CEP83: variants seen among roughly 807,000 people sequenced by gnomAD.
The protein encoded by CEP83 is centrosomal protein 83, also known as centrosomal protein of 83 kDa.
In CEP83, 70 loss-of-function variants were observed where a neutral mutation model predicts 101.9. That is an observed-to-expected ratio of 0.69 (90% CI 0.57 to 0.84). The LOEUF is 0.84. Among genes scored for constraint, CEP83 ranks in the 40% least tolerant of loss-of-function variants. The pLI, the probability that CEP83 is intolerant of heterozygous loss-of-function variation, is 0.00. For synonymous variants in CEP83, 264 were observed against 267.9 expected, an observed-to-expected ratio of 0.99 and a Z score of 0.14; for missense variants, 715 against 787.2, an observed-to-expected ratio of 0.91 and a Z score of 1.10.
chr12:94,331,289 G>GAAAAAAAA (rs568464808), intron 14 of CEP83, among the ~76,000 whole-genome samples: 2 of 43,804 alleles, frequency 4.6e-5, no homozygotes, highest in African/African-American at 2.6e-4. Flanking sequence ...CAGACTCTCA[G>GAAAAAAAA]AAAAAAAAAA....
At chr12:94,359,647 C>T (rs2060647871) in intron 11 of CEP83, among the ~76,000 whole-genome samples, 1 of 152,066 alleles carries the variant, frequency 6.6e-6, no homozygotes, top group Non-Finnish European at 1.5e-5. Context: ...AATAAAAAGT[C>T]TCCCAAGAAA....
intron 11 of CEP83, among the ~76,000 whole-genome samples, chr12:94,358,839 T>C (rs1372905009): frequency 6.6e-6 from 1 of 152,202 alleles, no homozygotes; most frequent in East Asian, 1.9e-4. Flanking sequence ...CCCCCCAAAG[T>C]CTGGCCATAA....
the CEP83 span, chr12:94,282,221 A>G: frequency 1.1e-6 from 1 of 917,578 alleles, no homozygotes; most frequent in Non-Finnish European, 1.8e-6. Flanking sequence ...TTCAAGTTTT[A>G]GTTATCCATA....
At chr12:94,445,634 T>C (rs1348088835) in intron 1 of CEP83, among the ~76,000 whole-genome samples, 1 of 152,158 alleles carries the variant, frequency 6.6e-6, no homozygotes, top group Non-Finnish European at 1.5e-5. Flanking sequence ...CAAAACTAAA[T>C]GATAGGAAAA....
chr12:94,429,456 G>T (rs553108301), intron 2 of CEP83, among the ~76,000 whole-genome samples: 2 of 152,216 alleles, frequency 1.3e-5, no homozygotes, highest in African/African-American at 2.4e-5. Context: ...TGCAGCTATA[G>T]TAAGACACCA....
At chr12:94,437,555 G>A (rs2066086716) in intron 1 of CEP83, among the ~76,000 whole-genome samples, 1 of 152,202 alleles carries the variant, frequency 6.6e-6, no homozygotes, top group African/African-American at 2.4e-5. Context: ...AACCCTACAA[G>A]CTAGAAGGAA....
At chr12:94,269,004 A>G in the CEP83 span, among the ~76,000 whole-genome samples, 1 of 152,174 alleles carries the variant, frequency 6.6e-6, no homozygotes, top group East Asian at 1.9e-4. Flanking sequence ...CGTTTTGTCA[A>G]GAGTGGAACT....
chr12:94,372,749 G>A (rs2061360914), intron 8 of CEP83, among the ~76,000 whole-genome samples: 1 of 152,204 alleles, frequency 6.6e-6, no homozygotes, highest in Admixed American at 6.5e-5. Flanking sequence ...AGGAAGTCAA[G>A]CAACAAGTGA....
At chr12:94,313,426 T>G (rs1185360959) in intron 14 of CEP83, among the ~76,000 whole-genome samples, 1 of 151,588 alleles carries the variant, frequency 6.6e-6, no homozygotes, top group South Asian at 2.1e-4. Context: ...TCCCAGTGCT[T>G]TGGGAGGCTG....
the CEP83 span, chr12:94,297,365 G>C: frequency 6.2e-7 from 1 of 1,613,854 alleles, no homozygotes; most frequent in Non-Finnish European, 8.5e-7. Context: ...AAGAGACATC[G>C]AGGGAAGCAC....
chr12:94,276,195 G>A, the CEP83 span, among the ~76,000 whole-genome samples: 1 of 152,204 alleles, frequency 6.6e-6, no homozygotes, highest in African/African-American at 2.4e-5. Context: ...TAAACAAGCT[G>A]AGATTGCTGA....
At chr12:94,373,572 G>A (rs2061396365) in intron 8 of CEP83, among the ~76,000 whole-genome samples, 1 of 152,040 alleles carries the variant, frequency 6.6e-6, no homozygotes, top group South Asian at 2.1e-4. Flanking sequence ...AACTCTGTTG[G>A]GTGGCTTTCT....
intron 9 of CEP83, 178 bp from the exon 10 acceptor site, chr12:94,368,379 G>T: frequency 3.6e-6 from 2 of 551,928 alleles, no homozygotes; most frequent in Admixed American, 3.6e-5. Flanking sequence ...GAATGAAACA[G>T]GCTAAAACTC....
chr12:94,305,570 T>C (rs1264223143), downstream of CEP83: 1 of 336,542 alleles, frequency 3.0e-6, no homozygotes, highest in African/African-American at 2.1e-5. Context: ...AATGTCAGTA[T>C]TGTAACTACA....
At chr12:94,354,390 T>C (rs1377421153) in intron 11 of CEP83, among the ~76,000 whole-genome samples, 1 of 152,108 alleles carries the variant, frequency 6.6e-6, no homozygotes, top group East Asian at 1.9e-4. Flanking sequence ...TTCACCATTT[T>C]GGCCAGGCTG....
At chr12:94,404,658 CTTA>C (rs1365836169) in intron 4 of CEP83, among the ~76,000 whole-genome samples, 1 of 151,976 alleles carries the variant, frequency 6.6e-6, no homozygotes, top group Admixed American at 6.6e-5. Flanking sequence ...GGTTTAGACT[CTTA>C]TTATTTATTC....
intron 1 of CEP83, among the ~76,000 whole-genome samples, chr12:94,458,963 AC>A (rs1383540665): frequency 6.6e-6 from 1 of 152,190 alleles, no homozygotes; most frequent in Non-Finnish European, 1.5e-5. Context: ...TGCTTTAACA[AC>A]CCACTCTGTT....
At chr12:94,415,955 A>T (rs1033111987) in intron 2 of CEP83, among the ~76,000 whole-genome samples, 2 of 152,046 alleles carry the variant, frequency 1.3e-5, no homozygotes, top group Non-Finnish European at 2.9e-5. Flanking sequence ...CCAGGTATTT[A>T]AAAAAAATTT....
At chr12:94,454,641 C>T (rs2067513976) in intron 1 of CEP83, among the ~76,000 whole-genome samples, 1 of 152,228 alleles carries the variant, frequency 6.6e-6, no homozygotes, top group South Asian at 2.1e-4. Flanking sequence ...GCCGTGGAAG[C>T]TCTGTTCTTT....
Sources: gnomAD v4.1 joint callset for allele counts (sites outside exome capture counted in the v4.1 genomes callset) on GRCh38, gnomAD v4.1.1 for gene constraint, MANE v1.5 for transcripts, NCBI Gene and HGNC (gene_info 2026-07-23, HGNC 2026-07-21) for gene names.